ATM: variants seen among roughly 807,000 people sequenced by gnomAD.
ATM encodes the protein ATM serine/threonine kinase.
ATM carries 308 observed loss-of-function variants against 387.0 expected under a neutral mutation model. The ratio of observed to expected loss-of-function variants is 0.80; its 90% CI spans 0.73 to 0.87. The LOEUF (loss-of-function observed/expected upper bound fraction) is 0.87, where lower values mean the gene tolerates loss of function less well. Among genes scored for constraint, ATM ranks in the 40% least tolerant of loss-of-function variants. The pLI, the probability that ATM is intolerant of heterozygous loss-of-function variation, is 0.00. For missense variants in ATM, 3,312 were observed against 3,560.9 expected (o/e 0.93, Z 1.78); for synonymous variants, 1,156 against 1,187.3 (o/e 0.97, Z 0.54).
At chr11:108,275,069 A>G (rs994090831) in intron 22 of ATM, among the ~76,000 whole-genome samples, 1 of 152,170 alleles carries the variant, frequency 6.6e-6, no homozygotes, top group Non-Finnish European at 1.5e-5. Context: ...GTGCATATAT[A>G]TTTAGGATAG....
At chr11:108,225,908 G>A (rs998444331) in intron 1 of ATM, 7 of 152,092 alleles carry the variant, frequency 4.6e-5, no homozygotes, top group Admixed American at 3.9e-4. Flanking sequence ...AGATTGAATC[G>A]GGGCAGAGAA....
chr11:108,224,442 CTT>C (rs1001043871), intron 1 of ATM: 27 of 152,208 alleles, frequency 1.8e-4, no homozygotes, highest in African/African-American at 6.3e-4. Context: ...AAATCCTTAT[CTT>C]TTCGTTTGAA....
chr11:108,247,411 G>A (rs1180785508), intron 8 of ATM, among the ~76,000 whole-genome samples: 2 of 151,962 alleles, frequency 1.3e-5, no homozygotes, highest in African/African-American at 4.8e-5. Context: ...GATTCGACTC[G>A]ACTGTATTCT....
rs1555107263 is a variant in ATM, at chr11:108,304,686, CTT to C, written c.5511_5512del (p.Phe1837LeufsTer11). ...LKPMCEVKTD[F>X]CQTVLPYLIH... ...TTTGTATATTCTAGGTGAAAACTGACTTTTGTCAGACTGTACTTCCATACTTG... is the reference window on the plus strand; with the variant it reads ...TTTGTATATTCTAGGTGAAAACTGACTTGTCAGACTGTACTTCCATACTTG... On this transcript the variant is annotated frameshift_variant, in exon 37 of 63. Coordinates refer to ENST00000675843, the MANE Select transcript of ATM (RefSeq NM_000051.4). LOFTEE classifies it high-confidence loss of function. 1 of 1,613,812 alleles carries C rather than the reference CTT, an allele frequency of 6.2e-7. No individual in the cohort carries two copies. Among genetic ancestry groups the C allele is most frequent in the South Asian group, 1.1e-5 (1 of 91,080 alleles).
At chr11:108,286,404 A>C (rs1044849503) in intron 26 of ATM, among the ~76,000 whole-genome samples, 2 of 152,098 alleles carry the variant, frequency 1.3e-5, no homozygotes, top group African/African-American at 2.4e-5. Flanking sequence ...GATTTACTGA[A>C]AATGAAATTA....
At chr11:108,277,205 C>T (rs936657693) in intron 22 of ATM, among the ~76,000 whole-genome samples, 1 of 152,064 alleles carries the variant, frequency 6.6e-6, no homozygotes, top group Non-Finnish European at 1.5e-5. Context: ...TAATTGCAGA[C>T]GCCCCTCCCC....
At chr11:108,257,747 G>A in intron 15 of ATM, 141 bp downstream of exon 15, 1 of 865,296 alleles carries the variant, frequency 1.2e-6, no homozygotes, top group Non-Finnish European at 1.8e-6. Flanking sequence ...AGCCTCCCAA[G>A]TAATTGGGAC....
rs1591383406 is a variant in ATM at position 108,364,980 on chromosome 11, T to G, written c.8851-102T>G. On this transcript the variant is annotated intron_variant, in intron 61 of 62. Transcript: ENST00000675843. ...ATGTTTGTTCCCCTCCCCCATCAAC[T>G]ACCATGTGACTGGCTTATTTGTATG... 4.4e-6 allele frequency: 6 copies of G among 1,364,394 alleles called. No homozygotes were observed. In the East Asian group the frequency reaches 1.4e-4, roughly 33 times the overall value. The allele number at this position is 1,364,394 out of a possible 1,614,324, so 84.5% of individuals were successfully genotyped here.
rs192101785 is a variant in ATM at position 108,242,188 on chromosome 11, G to T, written c.497-1765G>T. 5.3e-5 allele frequency among the ~76,000 whole-genome samples: 8 copies of T among 152,246 alleles called. No homozygotes were observed. The East Asian group carries it at 1.3e-3, about 26-fold the overall frequency. ...ATTAGAAATGAAATGAGATCTAATTGCAGATCCTATAGATATTCAAAGGAT... is the reference window on the plus strand; with the variant it reads ...ATTAGAAATGAAATGAGATCTAATTTCAGATCCTATAGATATTCAAAGGAT... On this transcript the variant is annotated intron_variant, in intron 5 of 62. Transcript: ENST00000675843.
chr11:108,297,486 G>A, intron 33 of ATM, 104 bp downstream of exon 33: 1 of 985,648 alleles, frequency 1.0e-6, no homozygotes, highest in South Asian at 1.4e-5. Flanking sequence ...GTTGCCTGTA[G>A]TATTCAGTAT....
chr11:108,335,219 C>G, intron 55 of ATM, 110 bp downstream of exon 55: 1 of 1,575,076 alleles, frequency 6.3e-7, no homozygotes, highest in South Asian at 1.1e-5. Flanking sequence ...TGAATACTTA[C>G]AAATGAGGAA....
At chr11:108,336,939 G>A (rs1209778505) in intron 56 of ATM, among the ~76,000 whole-genome samples, 1 of 152,260 alleles carries the variant, frequency 6.6e-6, no homozygotes, top group South Asian at 2.1e-4. Context: ...TTTCATTCCT[G>A]TACCTCATTT....
chr11:108,300,991 G>T (rs186812578), intron 34 of ATM, among the ~76,000 whole-genome samples: 1 of 150,752 alleles, frequency 6.6e-6, no homozygotes. Context: ...CAAATTCTTG[G>T]GCTCAAGCAG....
intron 52 of ATM, 68 bp from the exon 53 acceptor site, chr11:108,332,694 T>G (rs2086390858): frequency 6.6e-7 from 1 of 1,525,306 alleles, no homozygotes; most frequent in East Asian, 2.3e-5. Context: ...TCTCTTTGTT[T>G]TTCTAACTCT....
In ATM at chr11:108,317,486, G is replaced by A. The variant is rs1555114766; in HGVS notation, c.6312G>A (p.Trp2104Ter). The A allele has an allele frequency of 6.2e-7, 1 of 1,611,534 alleles. No homozygotes were observed. Among genetic ancestry groups the A allele is most frequent in the Non-Finnish European group, 8.5e-7 (1 of 1,179,172 alleles). Reference protein sequence around the residue: ...ELEELHYQAAWRNMQWDHCTS... With the variant: ...ELEELHYQAA ...AAGAACTTCATTACCAAGCAGCATG[G>A]AGGAATATGCAGTGGGACCATTGCA... The change falls in exon 43 of 63, where the codon TGG (tryptophan) becomes TGA (stop). Residue 2104 changes from tryptophan to a stop codon, truncating the protein, a stop_gained. Transcript: ENST00000675843. LOFTEE classifies it high-confidence loss of function.
rs541365410 is a variant in ATM, at chr11:108,307,747, A to G, written c.5675-150A>G. On this transcript the variant is annotated intron_variant, in intron 37 of 62. Transcript: ENST00000675843. ...ACAGTTTCTTTTAAAAGCAAAAGAA[A>G]TCCTATTAAATTCCTTCAGAACCAA... 6 of 671,882 alleles carry G rather than the reference A, an allele frequency of 8.9e-6. No individual in the cohort carries two copies. In the African/African-American group the frequency reaches 1.1e-4, roughly 12 times the overall value. The allele number at this position is 671,882 out of a possible 1,614,324, so 41.6% of individuals were successfully genotyped here.
chr11:108,264,433 C>A (rs1023528752), intron 16 of ATM, among the ~76,000 whole-genome samples: 5 of 152,120 alleles, frequency 3.3e-5, no homozygotes, highest in Admixed American at 6.5e-5. Flanking sequence ...ATTCAACAAC[C>A]CTTCATGCCA....
In ATM at chr11:108,354,854, ACT is replaced by A. The variant is rs786203030; in HGVS notation, c.8833_8834del (p.Leu2945ValfsTer10). 5.0e-6 allele frequency: 8 copies of A among 1,613,600 alleles called. No individual in the cohort carries two copies. The highest frequency in any genetic ancestry group is 2.2e-5 in the East Asian group (1 of 44,866). On this transcript the variant is annotated frameshift_variant, in exon 61 of 63. Transcript: ENST00000675843. LOFTEE classifies it high-confidence loss of function. ...GGAAGTGATGAGAAACTCTCAGGAAACTCTGTTAACCATTGTAGAGGTAAAGT... is the reference window on the plus strand; with the variant it reads ...GGAAGTGATGAGAAACTCTCAGGAAACTGTTAACCATTGTAGAGGTAAAGT... ...TMEVMRNSQE[T>X]LLTIVEVLLY...
intron 59 of ATM, among the ~76,000 whole-genome samples, chr11:108,348,178 T>G (rs227076): frequency 6.7e-6 from 1 of 149,976 alleles, no homozygotes; most frequent in Admixed American, 6.6e-5. Flanking sequence ...CTAGGTGGAA[T>G]AGACAGTTTA....
Sources: gnomAD v4.1 joint callset for allele counts (sites outside exome capture counted in the v4.1 genomes callset) on GRCh38, gnomAD v4.1.1 for gene constraint, MANE v1.5 for transcripts, NCBI Gene and HGNC (gene_info 2026-07-23, HGNC 2026-07-21) for gene names.